Variants in DNAJC6 observed in about 807,000 individuals in gnomAD.
DNAJC6 encodes DnaJ heat shock protein family (Hsp40) member C6.
Under a neutral mutation model 110.0 loss-of-function variants are expected in DNAJC6, and 34 were observed. The ratio of observed to expected loss-of-function variants is 0.31; its 90% CI spans 0.24 to 0.41. DNAJC6 has a LOEUF of 0.41. Ranked by LOEUF, DNAJC6 falls within the 10% of genes least tolerant of loss-of-function variation. DNAJC6 has a pLI of 1.00. For missense variants in DNAJC6, 1,031 were observed against 1,207.8 expected (o/e 0.85, Z 2.17); for synonymous variants, 406 against 437.2 (o/e 0.93, Z 0.89).
chr1:65,336,448 A>G (rs536994095), intron 1 of DNAJC6, among the ~76,000 whole-genome samples: 3 of 152,338 alleles, frequency 2.0e-5, no homozygotes, highest in African/African-American at 7.2e-5. Flanking sequence ...TATATGTAGT[A>G]CCTAAATATA....
intron 1 of DNAJC6, among the ~76,000 whole-genome samples, chr1:65,331,058 C>A (rs910876079): frequency 2.0e-5 from 3 of 152,176 alleles, no homozygotes; most frequent in Non-Finnish European, 2.9e-5. Context: ...GAAGGAAAGC[C>A]TGGGAAATGT....
intron 1 of DNAJC6, among the ~76,000 whole-genome samples, chr1:65,352,669 A>T (rs907925366): frequency 1.3e-5 from 2 of 152,192 alleles, no homozygotes; most frequent in African/African-American, 4.8e-5. Flanking sequence ...CTTGTAAACG[A>T]CAAACAATAT....
At chr1:65,358,360 G>T (rs1473020131) in intron 1 of DNAJC6, among the ~76,000 whole-genome samples, 1 of 152,000 alleles carries the variant, frequency 6.6e-6, no homozygotes, top group South Asian at 2.1e-4. Context: ...AGCCTGCATG[G>T]GTACAAATCC....
upstream of DNAJC6, among the ~76,000 whole-genome samples, chr1:65,305,678 A>G (rs1645030125): frequency 6.6e-6 from 1 of 152,196 alleles, no homozygotes; most frequent in Non-Finnish European, 1.5e-5. Flanking sequence ...AAGAGTCCAA[A>G]TCCAATAGGA....
rs749422233 is a variant in DNAJC6, at chr1:65,287,321, C to T, written c.-131+22389C>T. Among the ~76,000 whole-genome samples, 15 of 152,200 alleles carry T rather than the reference C, an allele frequency of 9.9e-5. No individual in the cohort carries two copies. The South Asian group carries it at 3.1e-3, about 32-fold the overall frequency. The stretch of plus-strand genomic sequence containing the variant: ...ATTGAGGGGATAATGAGCTTATATA[C>T]AAGATTTTTAAAAATGGATACTTAA... On this transcript the variant is annotated intron_variant, in intron 1 of 19. Transcript: ENST00000263441.
chr1:65,379,590 A>G, intron 5 of DNAJC6, 66 bp downstream of exon 5: 4 of 1,563,852 alleles, frequency 2.6e-6, no homozygotes, highest in Non-Finnish European at 3.5e-6. Flanking sequence ...GCCTGTACAC[A>G]ATGGTAGACA....
rs576858737 is a variant in DNAJC6, at chr1:65,394,935, A to T, written c.1941A>T (p.Pro647=). Residue 647 remains proline, a synonymous_variant, in exon 13 of 19, where the codon CCA becomes CCT. Transcript: ENST00000371069. ...TFDPFGAPSK[P]SGQDLLGSFL... ...ACCCATTTGGAGCACCTTCTAAACCATCAGGTCAGGATTTGCTGGGTTCTT... is the reference window on the plus strand; with the variant it reads ...ACCCATTTGGAGCACCTTCTAAACCTTCAGGTCAGGATTTGCTGGGTTCTT... 2 of 1,610,272 alleles carry T rather than the reference A, an allele frequency of 1.2e-6. No individual in the cohort carries two copies. Among genetic ancestry groups the T allele is most frequent in the South Asian group, 1.1e-5 (1 of 90,006 alleles).
In DNAJC6 at chr1:65,394,899, T is replaced by G. The variant is rs1645962233; in HGVS notation, c.1905T>G (p.Gly635=). 4 of 1,584,186 alleles carry G rather than the reference T, an allele frequency of 2.5e-6. No homozygotes were observed. The highest frequency in any genetic ancestry group is 3.4e-6 in the Non-Finnish European group (4 of 1,170,308). Residue 635 remains glycine (G), a splice_region_variant and synonymous_variant, in exon 13 of 19, where the codon GGT becomes GGG. Transcript: ENST00000371069. ...SASPTLRVGE[G]ATFDPFGAPS... ...ATATATTTTCCCATTGTTTTCTAGG[T>G]GCCACCTTTGACCCATTTGGAGCAC...
intron 5 of DNAJC6, among the ~76,000 whole-genome samples, chr1:65,380,513 T>C (rs558847456): frequency 6.6e-6 from 1 of 152,334 alleles, no homozygotes; most frequent in Admixed American, 6.5e-5. Flanking sequence ...ACTTGGTGTT[T>C]GTAAGAATTT....
chr1:65,371,032 C>T (rs1645700688), intron 4 of DNAJC6, among the ~76,000 whole-genome samples: 1 of 152,086 alleles, frequency 6.6e-6, no homozygotes, highest in Non-Finnish European at 1.5e-5. Context: ...GGCCTGGGGG[C>T]CAGAGGACCA....
chr1:65,268,555 T>C (rs562341563), intron 1 of DNAJC6, among the ~76,000 whole-genome samples: 10 of 152,304 alleles, frequency 6.6e-5, no homozygotes, highest in Middle Eastern at 3.4e-3. Context: ...AAGAAATAGA[T>C]TAAGAATTTT....
chr1:65,353,955 T>C (rs756109931), intron 1 of DNAJC6, among the ~76,000 whole-genome samples: 3 of 152,180 alleles, frequency 2.0e-5, no homozygotes, highest in Non-Finnish European at 2.9e-5. Flanking sequence ...AGTTGATCTG[T>C]TTGGTCTTCC....
intron 1 of DNAJC6, among the ~76,000 whole-genome samples, chr1:65,313,258 G>A (rs1645119144): frequency 7.0e-6 from 1 of 143,088 alleles, no homozygotes; most frequent in Non-Finnish European, 1.5e-5. Context: ...GGGGTTTTTT[G>A]CCATGTTGCC....
At chr1:65,279,682 T>G (rs1653783363) in intron 1 of DNAJC6, 1 of 152,296 alleles carries the variant, frequency 6.6e-6, no homozygotes, top group Non-Finnish European at 1.5e-5. Flanking sequence ...GAGTGCTGTT[T>G]CTTCTGCCTG....
intron 1 of DNAJC6, among the ~76,000 whole-genome samples, chr1:65,334,208 A>C (rs1645314027): frequency 6.6e-6 from 1 of 152,266 alleles, no homozygotes; most frequent in African/African-American, 2.4e-5. Flanking sequence ...TGACAGGAGA[A>C]GTAGGAGAAC....
chr1:65,321,221 G>A (rs1645194303), intron 1 of DNAJC6, among the ~76,000 whole-genome samples: 1 of 152,164 alleles, frequency 6.6e-6, no homozygotes, highest in Non-Finnish European at 1.5e-5. Flanking sequence ...ATTTGAGACA[G>A]GGTCTTGCTC....
intron 4 of DNAJC6, among the ~76,000 whole-genome samples, chr1:65,378,477 T>C (rs1280226611): frequency 2.6e-5 from 4 of 152,250 alleles, no homozygotes; most frequent in Non-Finnish European, 5.9e-5. Flanking sequence ...TACATGTTCA[T>C]GTAGTATCCT....
At chr1:65,286,378 C>A (rs1298929074) in intron 1 of DNAJC6, among the ~76,000 whole-genome samples, 2 of 152,146 alleles carry the variant, frequency 1.3e-5, no homozygotes, top group African/African-American at 4.8e-5. Flanking sequence ...TCCCGAGTAG[C>A]TGGGACTACA....
At chr1:65,307,002 C>CTATA (rs1645047742), upstream of DNAJC6, among the ~76,000 whole-genome samples, 2 of 111,260 alleles carry the variant, frequency 1.8e-5, no homozygotes, top group Admixed American at 9.8e-5. Context: ...CTCTCTCTCT[C>CTATA]TCTCTCTCTC....
Sources: gnomAD v4.1 joint callset for allele counts (sites outside exome capture counted in the v4.1 genomes callset) on GRCh38, gnomAD v4.1.1 for gene constraint, MANE v1.5 for transcripts, NCBI Gene and HGNC (gene_info 2026-07-23, HGNC 2026-07-21) for gene names.